Variants in DNAH8 observed in about 807,000 individuals in gnomAD.
DNAH8 encodes dynein axonemal heavy chain 8.
DNAH8 carries 382 observed loss-of-function variants against 562.1 expected under a neutral mutation model. The observed-to-expected ratio is 0.68, with a 90% CI of 0.63 to 0.74. The LOEUF (loss-of-function observed/expected upper bound fraction) is 0.74, where lower values mean the gene tolerates loss of function less well. Ranked by LOEUF, DNAH8 falls within the 30% of genes least tolerant of loss-of-function variation. DNAH8 has a pLI of 0.00. For synonymous variants in DNAH8, 1,881 were observed against 1,919.4 expected (o/e 0.98, Z 0.52); for missense variants, 5,203 against 5,620.4 (o/e 0.93, Z 2.37).
chr6:39,023,794 C>G (rs1767089812), intron 91 of DNAH8, among the ~76,000 whole-genome samples: 1 of 152,238 alleles, frequency 6.6e-6, no homozygotes, highest in Admixed American at 6.5e-5. Flanking sequence ...TGTATCTTCT[C>G]TACGTTCTCT....
intron 70 of DNAH8, among the ~76,000 whole-genome samples, chr6:38,920,683 C>T (rs980104026): frequency 2.6e-5 from 4 of 152,014 alleles, no homozygotes; most frequent in Non-Finnish European, 4.4e-5. Flanking sequence ...ATACATCCAA[C>T]ACGTAGAATA....
intron 79 of DNAH8, among the ~76,000 whole-genome samples, 159 bp downstream of exon 79, chr6:38,939,147 T>C (rs1477460276): frequency 2.0e-5 from 3 of 152,234 alleles, no homozygotes; most frequent in Non-Finnish European, 4.4e-5. Flanking sequence ...TGTTTTTCAT[T>C]CGTTTTGCCC....
At chr6:38,857,924 T>G (rs765831201) in intron 42 of DNAH8, among the ~76,000 whole-genome samples, 182 bp downstream of exon 42, 1 of 152,198 alleles carries the variant, frequency 6.6e-6, no homozygotes, top group African/African-American at 2.4e-5. Context: ...TATTATATAT[T>G]CATTTGGCAC....
At chr6:38,862,703 T>C (rs1047267229) in intron 44 of DNAH8, among the ~76,000 whole-genome samples, 1 of 152,178 alleles carries the variant, frequency 6.6e-6, no homozygotes, top group Non-Finnish European at 1.5e-5. Flanking sequence ...GAAAATGGAA[T>C]CAATCTATAA....
chr6:38,913,689 T>C (rs1425428286), intron 66 of DNAH8, among the ~76,000 whole-genome samples, 160 bp from the exon 67 acceptor site: 5 of 152,336 alleles, frequency 3.3e-5, no homozygotes, highest in East Asian at 1.9e-4. Context: ...TGGTCAATAT[T>C]GTTGCTTTTA....
intron 8 of DNAH8, among the ~76,000 whole-genome samples, chr6:38,745,273 A>T (rs891640512): frequency 6.6e-6 from 1 of 152,186 alleles, no homozygotes. Context: ...TGATGTAATA[A>T]AATCCTTGTC....
intron 88 of DNAH8, among the ~76,000 whole-genome samples, chr6:38,994,649 C>CT (rs5875650): frequency 0.012 from 1,446 of 119,684 alleles, 39 homozygotes; most frequent in African/African-American, 0.041. Context: ...CTTTTTTTTT[C>CT]TTTTTTTTTT....
rs775627345 is a variant in DNAH8, at chr6:38,845,786, T to C, written c.5045+13T>C. On this transcript the variant is annotated intron_variant, in intron 36 of 92. Coordinates refer to ENST00000327475, the MANE Select transcript of DNAH8 (RefSeq NM_001206927.2). ...TACTCAGCAACAGGTAATTTTATAA[T>C]TTGAGAGAGAGATTTAAATGGGATA... The C allele has an allele frequency of 4.4e-6, 7 of 1,594,668 alleles. No homozygotes were observed. The highest frequency in any genetic ancestry group is 1.1e-5 in the South Asian group (1 of 90,364).
At chr6:38,813,515 G>T (rs2150317002) in intron 24 of DNAH8, among the ~76,000 whole-genome samples, 1 of 152,148 alleles carries the variant, frequency 6.6e-6, no homozygotes, top group Admixed American at 6.5e-5. Flanking sequence ...TTATAATTTT[G>T]CCTGGGATAG....
In DNAH8 at chr6:38,962,099, T is replaced by C. The variant is rs543405552; in HGVS notation, c.12452-9493T>C. Among the ~76,000 whole-genome samples the C allele has an allele frequency of 6.6e-5, 10 of 152,154 alleles. No individual in the cohort carries two copies. In the South Asian group the frequency reaches 2.1e-3, roughly 32 times the overall value. The stretch of plus-strand genomic sequence containing the variant: ...AACTGAGAAATAATTTTTAAAATAC[T>C]CATTTAAAGAAAACTATAAAACCTT... On this transcript the variant is annotated intron_variant, in intron 82 of 92. Coordinates refer to ENST00000327475, the MANE Select transcript of DNAH8 (RefSeq NM_001206927.2).
rs1181899255 is a variant in DNAH8, at chr6:39,012,320, C to T, written c.13477C>T (p.Leu4493=). The T allele has an allele frequency of 6.2e-7, 1 of 1,613,380 alleles. No individual in the cohort carries two copies. The highest frequency in any genetic ancestry group is 1.7e-5 in the Admixed American group (1 of 60,004). The change falls in exon 90 of 93, where the codon CTG becomes TTG. Residue 4493 remains leucine, a synonymous_variant. Coordinates refer to ENST00000327475, the MANE Select transcript of DNAH8 (RefSeq NM_001206927.2). ...QRVISILRSS[L]SDLKLAIEGT... ...AGTCATTTCAATACTCCGCAGTAGC[C>T]TGAGTGATCTAAAATTGGCCATTGA...
At chr6:38,941,121 A>G (rs75264023) in intron 79 of DNAH8, among the ~76,000 whole-genome samples, 1 of 145,872 alleles carries the variant, frequency 6.9e-6, no homozygotes, top group Non-Finnish European at 1.5e-5. Context: ...TCTGTCTCAG[A>G]AAAAAAAAAA....
At chr6:38,865,561 C>T (rs148815661) in intron 45 of DNAH8, among the ~76,000 whole-genome samples, 4 of 152,170 alleles carry the variant, frequency 2.6e-5, no homozygotes, top group Non-Finnish European at 2.9e-5. Context: ...TTCAAGGTCA[C>T]CTTATGAACC....
In DNAH8 at chr6:38,805,344, G is replaced by A. The variant is rs373878068; in HGVS notation, c.3035-137G>A. Reference sequence around the variant, plus strand: ...GGATGACTCCTAGAGGAACAAATGCGAAAAGCATTTTTCAAAAAACAGTTT... The same window carrying A: ...GGATGACTCCTAGAGGAACAAATGCAAAAAGCATTTTTCAAAAAACAGTTT... On this transcript the variant is annotated intron_variant, in intron 22 of 92. Coordinates refer to ENST00000327475, the MANE Select transcript of DNAH8 (RefSeq NM_001206927.2). 2,610 of 599,468 alleles carry A rather than the reference G, an allele frequency of 4.4e-3. 47 individuals are homozygous for A. Among genetic ancestry groups the A allele is most frequent in the South Asian group, 0.028 (1,530 of 54,094 alleles). 37.1% of individuals were successfully genotyped at this position (599,468 alleles called of 1,614,324 possible).
Position 38,780,506 on chromosome 6 carries a change from C to CAA in DNAH8, c.2139+450_2139+451dup, listed in dbSNP as rs35611838. ...GATACACCATGGAATGTTATGCATC[C>CAA]AAAAAAAAAATGAATGAGATCATGT... On this transcript the variant is annotated intron_variant, in intron 15 of 92. Transcript: ENST00000327475. Among the ~76,000 whole-genome samples the CAA allele has an allele frequency of 8.8e-5, 13 of 147,236 alleles. 2 individuals carry two copies. The Middle Eastern group carries it at 0.017, about 194-fold the overall frequency.
At chr6:39,023,845 T>A (rs1015067313) in intron 91 of DNAH8, among the ~76,000 whole-genome samples, 4 of 152,244 alleles carry the variant, frequency 2.6e-5, no homozygotes, top group African/African-American at 9.6e-5. Flanking sequence ...ATCTCCACTC[T>A]CAGACTGCAA....
chr6:38,797,874 T>C (rs929131533), intron 21 of DNAH8, among the ~76,000 whole-genome samples: 1 of 152,142 alleles, frequency 6.6e-6, no homozygotes, highest in Non-Finnish European at 1.5e-5. Flanking sequence ...AGCCTACAGC[T>C]TTTTTTCTCT....
chr6:38,862,579 T>G (rs1368054314), intron 44 of DNAH8, 121 bp downstream of exon 44: 2 of 1,191,680 alleles, frequency 1.7e-6, no homozygotes, highest in African/African-American at 1.5e-5. Context: ...TATGGGTTGA[T>G]CCGTATGATA....
chr6:38,956,612 A>G (rs1035622261), intron 82 of DNAH8, among the ~76,000 whole-genome samples: 3 of 152,204 alleles, frequency 2.0e-5, no homozygotes, highest in Non-Finnish European at 4.4e-5. Flanking sequence ...GGCCACTGGG[A>G]CAGGCTTCTG....
Sources: gnomAD v4.1 joint callset for allele counts (sites outside exome capture counted in the v4.1 genomes callset) on GRCh38, gnomAD v4.1.1 for gene constraint, MANE v1.5 for transcripts, NCBI Gene and HGNC (gene_info 2026-07-23, HGNC 2026-07-21) for gene names.